SLC11A2: variants seen among roughly 807,000 people sequenced by gnomAD.
SLC11A2 encodes the protein natural resistance-associated macrophage protein 2.
Under a neutral mutation model 68.0 loss-of-function variants are expected in SLC11A2, and 38 were observed. The observed-to-expected ratio is 0.56, with a 90% CI of 0.43 to 0.73. SLC11A2 has a LOEUF of 0.73. Among genes scored for constraint, SLC11A2 ranks in the 30% least tolerant of loss-of-function variants. SLC11A2 has a pLI of 0.00. For missense variants in SLC11A2, 517 were observed against 690.5 expected (o/e 0.75, Z 2.82); for synonymous variants, 242 against 250.6 (o/e 0.97, Z 0.32).
At chr12:51,006,845 C>T (rs1465961326) in intron 3 of SLC11A2, among the ~76,000 whole-genome samples, 1 of 152,128 alleles carries the variant, frequency 6.6e-6, no homozygotes, top group Non-Finnish European at 1.5e-5. Flanking sequence ...TTAAGCAATC[C>T]TCCCACTTCA....
At chr12:50,996,702 A>AT (rs1941734006) in intron 9 of SLC11A2, 115 bp downstream of exon 9, 1 of 1,055,110 alleles carries the variant, frequency 9.5e-7, no homozygotes, top group East Asian at 2.4e-5. Context: ...GGCTTGGAAA[A>AT]TACCTTGCTC....
rs745306026 is a variant in SLC11A2 at position 50,990,879 on chromosome 12, A to C, written c.1491T>G (p.Val497=). The change falls in exon 15 of 16, where the codon GTT becomes GTG. Residue 497 remains valine (V), a synonymous_variant. Coordinates refer to ENST00000262052, the MANE Select transcript of SLC11A2 (RefSeq NM_000617.3). ...ICSINMYFVV[V]YVRDLGHVAL... ...CCACATGCCCTAGGTCCCGGACATA[A>C]ACCACTACAAAGTACATATTGATGG... 1.9e-6 allele frequency: 3 copies of C among 1,614,068 alleles called. No homozygotes were observed. Among genetic ancestry groups the C allele is most frequent in the Admixed American group, 3.3e-5 (2 of 60,020 alleles).
In SLC11A2 at chr12:50,992,806, G is replaced by A. The variant is rs761714409; in HGVS notation, c.1197+4C>T. On this transcript the variant is annotated splice_donor_region_variant and intron_variant, in intron 12 of 15. Transcript: ENST00000262052. ...ATCTCCCTCTATCCTATACCAGCAC[G>A]TACCTCCATGACAAACTGGCCAGAA... 1.6e-5 allele frequency: 25 copies of A among 1,612,312 alleles called. No individual in the cohort carries two copies. Among genetic ancestry groups the A allele is most frequent in the Admixed American group, 1.0e-4 (6 of 59,864 alleles).
chr12:50,970,452 T>C, the SLC11A2 span: 1 of 1,497,640 alleles, frequency 6.7e-7, no homozygotes, highest in South Asian at 1.2e-5. Flanking sequence ...GTGTTCTCTA[T>C]TCTATGTATA....
chr12:50,994,290 A>AC (rs200778095), intron 11 of SLC11A2, among the ~76,000 whole-genome samples: 12 of 151,990 alleles, frequency 7.9e-5, no homozygotes, highest in African/African-American at 2.9e-4. Context: ...CAAGTGATCC[A>AC]CCCGCCTCAG....
chr12:50,999,238 A>G lies in SLC11A2; in HGVS notation c.611T>C (p.Leu204Ser). The G allele has an allele frequency of 6.2e-7, 1 of 1,614,168 alleles. No individual in the cohort carries two copies. Among genetic ancestry groups the G allele is most frequent in the Non-Finnish European group, 8.5e-7 (1 of 1,179,996 alleles). ...GCCAAAAAATGCTTCTAGCTTCCGC[A>G]AGCCTAAAGGAAAAAAGGCAGCAGT... The part of the protein sequence containing the change: ...FVFLFLDKYG[L>S]RKLEAFFGFL... The change falls in exon 8 of 16, where the codon TTG becomes TCG. Residue 204 changes from leucine (L) to serine (S), a missense_variant. Physicochemically the swap from Leu to Ser is moderately radical, Grantham distance 145. Transcript: ENST00000262052.
At chr12:51,019,886 C>G (rs527441920) in intron 1 of SLC11A2, among the ~76,000 whole-genome samples, 23 of 152,016 alleles carry the variant, frequency 1.5e-4, no homozygotes, top group African/African-American at 5.5e-4. Context: ...GTCAAAGGAT[C>G]CATCCACCTC....
intron 10 of SLC11A2, 73 bp from the exon 11 acceptor site, chr12:50,994,703 C>T (rs1941535560): frequency 1.2e-6 from 1 of 837,154 alleles, no homozygotes; most frequent in Admixed American, 1.7e-5. Context: ...TCCTACATAT[C>T]ATACACAATC....
chr12:50,984,504 C>T (rs1940356991), downstream of SLC11A2, among the ~76,000 whole-genome samples: 1 of 152,080 alleles, frequency 6.6e-6, no homozygotes, highest in Middle Eastern at 3.2e-3. Flanking sequence ...CCTGTGATGC[C>T]CACAGAGTGT....
chr12:50,987,412 G>A lies in SLC11A2; in HGVS notation c.*913C>T. The A allele has an allele frequency of 1.6e-6, 2 of 1,287,134 alleles. No homozygotes were observed. The highest frequency in any genetic ancestry group is 2.5e-5 in the South Asian group (2 of 80,928). 79.7% of individuals were successfully genotyped at this position (1,287,134 alleles called of 1,614,324 possible). On this transcript the variant is annotated 3_prime_UTR_variant, in exon 16 of 16. Transcript: ENST00000262052. Reference sequence around the variant, plus strand: ...GGTGGCTTTAGGAACAAAATAGATGGCTCTCCTCCCTTAAAGTCTTTTCTC... The same window carrying A: ...GGTGGCTTTAGGAACAAAATAGATGACTCTCCTCCCTTAAAGTCTTTTCTC...
At chr12:50,954,256 T>C in the SLC11A2 span, 3 of 484,528 alleles carry the variant, frequency 6.2e-6, no homozygotes, top group Non-Finnish European at 7.3e-6. Context: ...TCCTAATACA[T>C]GGTAAGCCCC....
intron 1 of SLC11A2, among the ~76,000 whole-genome samples, chr12:51,025,134 T>C (rs1944293525): frequency 6.6e-6 from 1 of 152,186 alleles, no homozygotes. Context: ...AACTACACTA[T>C]ACCCTCAGAT....
intron 4 of SLC11A2, among the ~76,000 whole-genome samples, 193 bp downstream of exon 4, chr12:51,005,118 A>T (rs1328686730): frequency 6.6e-6 from 1 of 152,226 alleles, no homozygotes. Context: ...TCCTATATGT[A>T]GTTTCTCCTT....
intron 1 of SLC11A2, among the ~76,000 whole-genome samples, chr12:51,023,075 C>A (rs1490752787): frequency 6.6e-6 from 1 of 152,122 alleles, no homozygotes; most frequent in South Asian, 2.1e-4. Flanking sequence ...CCTGATGATG[C>A]CTTGAAGGCT....
chr12:51,012,212 G>C (rs1013721915), intron 1 of SLC11A2, among the ~76,000 whole-genome samples: 2 of 152,160 alleles, frequency 1.3e-5, no homozygotes, highest in Admixed American at 6.5e-5. Context: ...GCAGTGGGGC[G>C]GGTGGAGTCA....
chr12:51,007,630 T>G (rs224592), intron 3 of SLC11A2, among the ~76,000 whole-genome samples: 2 of 151,634 alleles, frequency 1.3e-5, no homozygotes, highest in Middle Eastern at 6.8e-3. Context: ...CCACCGCGCC[T>G]GGCCTGTTTT....
chr12:50,987,535 A>G lies in SLC11A2; in HGVS notation c.*790T>C, dbSNP rs1043878932. 3.9e-6 allele frequency: 5 copies of G among 1,287,124 alleles called. No individual in the cohort carries two copies. In the African/African-American group the frequency reaches 6.1e-5, roughly 16 times the overall value. The allele number at this position is 1,287,124 out of a possible 1,614,324, so 79.7% of individuals were successfully genotyped here. On this transcript the variant is annotated 3_prime_UTR_variant, in exon 16 of 16. Transcript: ENST00000262052. The stretch of plus-strand genomic sequence containing the variant: ...GAAAGAAAGTTAAGGTTTTACAACC[A>G]CATGTGCTCAAGAGTAAATATCATC...
intron 1 of SLC11A2, among the ~76,000 whole-genome samples, chr12:51,014,681 C>T (rs900137566): frequency 4.0e-5 from 6 of 151,450 alleles, no homozygotes; most frequent in Non-Finnish European, 5.9e-5. Flanking sequence ...GGTGAAACCC[C>T]GTCTCTACTA....
rs761054843 is a variant in SLC11A2 at position 50,992,331 on chromosome 12, C to T, written c.1206G>A (p.Leu402=). The T allele has an allele frequency of 3.1e-6, 5 of 1,613,858 alleles. No homozygotes were observed. The East Asian group carries it at 1.1e-4, about 36-fold the overall frequency. The part of the protein sequence containing the change: ...YSGQFVMEGF[L]NLKWSRFARV... ...GGGCAAAGCGTGACCACTTTAGGTT[C>T]AGGAATCCCTGGAAGAAAACATAGG... Residue 402 remains leucine, a synonymous_variant, in exon 13 of 16, where the codon CTG becomes CTA. Transcript: ENST00000262052.
Sources: gnomAD v4.1 joint callset for allele counts (sites outside exome capture counted in the v4.1 genomes callset) on GRCh38, gnomAD v4.1.1 for gene constraint, MANE v1.5 for transcripts, NCBI Gene and HGNC (gene_info 2026-07-23, HGNC 2026-07-21) for gene names.